Variants in MPPE1 observed in about 807,000 individuals in gnomAD.
The protein encoded by MPPE1 is metallo phosphoesterase.
MPPE1 carries 28 observed loss-of-function variants against 43.8 expected under a neutral mutation model. The observed-to-expected ratio is 0.64, with a 90% CI of 0.47 to 0.88. The LOEUF (loss-of-function observed/expected upper bound fraction) is 0.88. Among genes scored for constraint, MPPE1 ranks in the 40% least tolerant of loss-of-function variants. The pLI is 0.00. For missense variants in MPPE1, 428 were observed against 492.2 expected (o/e 0.87, Z 1.23); for synonymous variants, 159 against 188.5 (o/e 0.84, Z 1.28).
intron 3 of MPPE1, among the ~76,000 whole-genome samples, chr18:11,894,415 G>T (rs755816978): frequency 4.4e-4 from 54 of 124,040 alleles, no homozygotes; most frequent in Non-Finnish European, 6.3e-4. Flanking sequence ...CTGGGTGACA[G>T]AGCGAGACTC....
chr18:11,884,259 A>ACTT lies in MPPE1; in HGVS notation c.*183_*185dup, dbSNP rs2036848261. ...CAGATTTGTTGTAGAGTACCTGTCC[A>ACTT]CTTTTATAGCATGAGAACAGTACAA... On this transcript the variant is annotated 3_prime_UTR_variant, in exon 11 of 11. Coordinates refer to ENST00000588072, the MANE Select transcript of MPPE1 (RefSeq NM_023075.6). 1 of 594,430 alleles carries ACTT rather than the reference A, an allele frequency of 1.7e-6. No individual in the cohort carries two copies. 36.8% of individuals were successfully genotyped at this position (594,430 alleles called of 1,614,324 possible). A position where few individuals can be genotyped will look rare whatever the true frequency, so the allele number is the denominator to read the frequency against.
rs956393284 is a variant in MPPE1 at position 11,886,624 on chromosome 18, G to A, written c.745-3C>T. On this transcript the variant is annotated splice_polypyrimidine_tract_variant and splice_region_variant and intron_variant, in intron 8 of 10. Coordinates refer to ENST00000588072, the MANE Select transcript of MPPE1 (RefSeq NM_023075.6). The surrounding 1 kb of genome is among the most constrained non-coding windows in gnomAD (Gnocchi z 4.1). ...CTTCTCCGATACAGAGGATAATGCT[G>A]TCCGGGGTGGAGAGAGGAGTTCAGG... is the stretch of plus-strand genomic sequence containing the variant. 6 of 1,614,052 alleles carry A rather than the reference G, an allele frequency of 3.7e-6. No individual in the cohort carries two copies. Among genetic ancestry groups the A allele is most frequent in the Non-Finnish European group, 5.1e-6 (6 of 1,180,044 alleles).
At position 11,886,682 on chromosome 18, in the gene MPPE1, C is replaced by G. The variant is rs1346786984; in HGVS notation, c.744+31G>C. 25 of 1,613,970 alleles carry G rather than the reference C, an allele frequency of 1.5e-5. No homozygotes were observed. The highest frequency in any genetic ancestry group is 2.0e-5 in the Non-Finnish European group (24 of 1,180,042). ...CGTGAAACCACAGGCTGCCTGCTGTCTGCCATGAGCCCTTTCCTCCCCCAG... is the reference window on the plus strand; with the variant it reads ...CGTGAAACCACAGGCTGCCTGCTGTGTGCCATGAGCCCTTTCCTCCCCCAG... On this transcript the variant is annotated intron_variant, in intron 8 of 10. Coordinates refer to ENST00000588072, the MANE Select transcript of MPPE1 (RefSeq NM_023075.6). The surrounding 1 kb of genome is among the most constrained non-coding windows in gnomAD (Gnocchi z 4.1).
chr18:11,900,028 A>G (rs928006928), intron 2 of MPPE1, among the ~76,000 whole-genome samples: 3 of 151,912 alleles, frequency 2.0e-5, no homozygotes, highest in African/African-American at 7.3e-5. Context: ...CCTGGCCCAC[A>G]TGGTGAAACC....
rs764652193 is a variant in MPPE1 at position 11,884,413 on chromosome 18, TG to T, written c.*31del. The T allele has an allele frequency of 1.7e-4, 272 of 1,602,998 alleles. No individual in the cohort carries two copies. Among genetic ancestry groups the T allele is most frequent in the Non-Finnish European group, 2.2e-4 (256 of 1,172,098 alleles). On this transcript the variant is annotated 3_prime_UTR_variant, in exon 11 of 11. Transcript: ENST00000588072. ...GATCTCTGCCCAAAGTTCCATTTCT[TG>T]GGCTTTGATATTTATAATGGCGCCT...
rs1307353316 is a variant in MPPE1 at position 11,890,129 on chromosome 18, AGAC to A, written c.391-642_391-640del. Among the ~76,000 whole-genome samples, 7 of 150,906 alleles carry A rather than the reference AGAC, an allele frequency of 4.6e-5. No individual in the cohort carries two copies. The East Asian group carries it at 9.9e-4, about 21-fold the overall frequency. ...GACTAATTTTTTGTATTTTTAGTAG[AGAC>A]GGGGTTTCACTGTGTTAGCCAGGAT... On this transcript the variant is annotated intron_variant, in intron 4 of 10. Coordinates refer to ENST00000588072, the MANE Select transcript of MPPE1 (RefSeq NM_023075.6).
intron 4 of MPPE1, among the ~76,000 whole-genome samples, chr18:11,891,858 A>T (rs1375049126): frequency 6.6e-6 from 1 of 152,066 alleles, no homozygotes; most frequent in African/African-American, 2.4e-5. Flanking sequence ...TCACTCTGTC[A>T]CCCAGGATGG....
At position 11,893,509 on chromosome 18, in the gene MPPE1, G is replaced by T. The variant is rs780624379; in HGVS notation, c.349C>A (p.Leu117Met). 1.2e-6 allele frequency: 2 copies of T among 1,614,106 alleles called. No homozygotes were observed. The highest frequency in any genetic ancestry group is 1.7e-6 in the Non-Finnish European group (2 of 1,180,034). ...WLLQPEVVFI[L>M]GDIFDEGKWS... ...TTCCCTTCATCAAAGATATCCCCCA[G>T]GATGAAGACGACTTCCGGCTGCAGC... The change falls in exon 4 of 11, where the codon CTG becomes ATG. Residue 117 changes from leucine (L) to methionine (M), a missense_variant. Physicochemically the swap from Leu to Met is conservative, Grantham distance 15. This residue lies in a region of MPPE1 where 379 missense variants were observed against 402.5 expected (regional missense o/e 0.94). Coordinates refer to ENST00000588072, the MANE Select transcript of MPPE1 (RefSeq NM_023075.6).
chr18:11,889,982 G>T (rs1313378909), intron 4 of MPPE1, among the ~76,000 whole-genome samples: 1 of 148,334 alleles, frequency 6.7e-6, no homozygotes, highest in East Asian at 2.0e-4. Flanking sequence ...TCGCTCTGTT[G>T]CCCAGGCTGG....
At chr18:11,897,878 T>C (rs2038756991) in intron 2 of MPPE1, among the ~76,000 whole-genome samples, 1 of 152,200 alleles carries the variant, frequency 6.6e-6, no homozygotes, top group Non-Finnish European at 1.5e-5. Flanking sequence ...AAGGAATTCA[T>C]TCCACATTGG....
At chr18:11,901,372 A>C (rs2039185544) in intron 2 of MPPE1, among the ~76,000 whole-genome samples, 2 of 152,018 alleles carry the variant, frequency 1.3e-5, no homozygotes, top group South Asian at 4.1e-4. Context: ...CTGAGACTAC[A>C]GATGTGTACC....
intron 3 of MPPE1, 78 bp downstream of exon 3, chr18:11,896,906 A>G (rs1051950996): frequency 7.6e-7 from 1 of 1,313,602 alleles, no homozygotes; most frequent in African/African-American, 1.5e-5. Context: ...ACCTAAAGCC[A>G]TAAGCCTTGC....
At chr18:11,900,646 A>C (rs660409) in intron 2 of MPPE1, among the ~76,000 whole-genome samples, 1 of 151,926 alleles carries the variant, frequency 6.6e-6, no homozygotes, top group African/African-American at 2.4e-5. Flanking sequence ...AGTGGCTCAC[A>C]CCTGTAATCC....
chr18:11,891,142 G>T (rs2037952004), intron 4 of MPPE1: 1 of 152,180 alleles, frequency 6.6e-6, no homozygotes, highest in Non-Finnish European at 1.5e-5. Flanking sequence ...TAGAGTCCTT[G>T]AATACATTTA....
At chr18:11,887,598 C>T (rs2144192972) in intron 6 of MPPE1, among the ~76,000 whole-genome samples, 1 of 152,300 alleles carries the variant, frequency 6.6e-6, no homozygotes, top group Admixed American at 6.5e-5. Flanking sequence ...AGGGTAATAA[C>T]AAAGTCCATT....
chr18:11,901,247 T>C (rs1013301703), intron 2 of MPPE1, among the ~76,000 whole-genome samples: 3 of 151,984 alleles, frequency 2.0e-5, no homozygotes, highest in African/African-American at 7.2e-5. Context: ...TTTATTTTTT[T>C]GAGACAGAGT....
chr18:11,908,019 T>G (rs972270566), intron 1 of MPPE1, 182 bp downstream of exon 1: 1 of 152,212 alleles, frequency 6.6e-6, no homozygotes, highest in African/African-American at 2.4e-5. Context: ...TTAAAAAATC[T>G]ACACCAGCAA....
At chr18:11,899,324 A>C (rs564172005) in intron 2 of MPPE1, among the ~76,000 whole-genome samples, 1 of 152,364 alleles carries the variant, frequency 6.6e-6, no homozygotes, top group East Asian at 1.9e-4. Flanking sequence ...CCATCTGTGA[A>C]TATGAATATT....
At chr18:11,890,951 G>A (rs2037928074) in intron 4 of MPPE1, among the ~76,000 whole-genome samples, 1 of 151,956 alleles carries the variant, frequency 6.6e-6, no homozygotes, top group Non-Finnish European at 1.5e-5. Flanking sequence ...TCTGATACTT[G>A]CTTTAACTAT....
Sources: allele counts gnomAD v4.1 joint callset (sites outside exome capture counted in the v4.1 genomes callset), GRCh38; gene constraint gnomAD v4.1.1; regional missense constraint gnomAD v4.1.1; non-coding constraint Gnocchi (gnomAD v3.1); transcripts MANE v1.5; gene names NCBI Gene and HGNC (gene_info 2026-07-23, HGNC 2026-07-21).